Variants in KLF12 observed in about 807,000 individuals in gnomAD.
KLF12 encodes Krueppel-like factor 12.
A neutral mutation model predicts 37.8 loss-of-function variants in KLF12; 9 were observed. The ratio of observed to expected loss-of-function variants is 0.24; its 90% CI spans 0.14 to 0.42. KLF12 has a LOEUF of 0.42. KLF12 is among the 10% of genes least tolerant of loss of function. KLF12 has a pLI of 1.00. For missense variants in KLF12, 411 were observed against 516.0 expected (o/e 0.80, Z 1.97); for synonymous variants, 208 against 202.1 (o/e 1.03, Z -0.25).
chr13:74,281,031 C>T, the KLF12 span, among the ~76,000 whole-genome samples: 1 of 152,116 alleles, frequency 6.6e-6, no homozygotes, highest in Admixed American at 6.5e-5. Flanking sequence ...TTATGCTTCT[C>T]CTAGACTTAT....
intron 4 of KLF12, among the ~76,000 whole-genome samples, chr13:73,817,195 G>A (rs117354485): frequency 0.2 from 29,706 of 151,500 alleles, 3,266 homozygotes; most frequent in East Asian, 0.48. Context: ...GCATATGCCT[G>A]TAGTCCCAGC....
intron 2 of KLF12, among the ~76,000 whole-genome samples, chr13:73,949,219 A>G (rs1002023195): frequency 1.3e-5 from 2 of 152,124 alleles, no homozygotes; most frequent in African/African-American, 4.8e-5. Flanking sequence ...ACCTTTCTCT[A>G]TATCAATATG....
At chr13:73,949,110 A>C (rs756478546) in intron 2 of KLF12, among the ~76,000 whole-genome samples, 1 of 152,188 alleles carries the variant, frequency 6.6e-6, no homozygotes, top group Non-Finnish European at 1.5e-5. Flanking sequence ...AAGCCCACAC[A>C]ATTAGTAAGC....
intron 5 of KLF12, among the ~76,000 whole-genome samples, chr13:73,808,771 G>T (rs1179812710): frequency 2.6e-5 from 4 of 152,150 alleles, no homozygotes; most frequent in African/African-American, 9.7e-5. Flanking sequence ...AACAGTTATT[G>T]CATGAGGCAA....
chr13:73,810,646 G>GAC (rs71927679), intron 5 of KLF12, among the ~76,000 whole-genome samples: 34,149 of 150,802 alleles, frequency 0.23, 4,442 homozygotes, highest in Middle Eastern at 0.36. Flanking sequence ...TATTTATAAA[G>GAC]ACACACACAC....
chr13:74,081,546 T>C (rs1290204047), intron 1 of KLF12, among the ~76,000 whole-genome samples: 1 of 152,168 alleles, frequency 6.6e-6, no homozygotes, highest in African/African-American at 2.4e-5. Flanking sequence ...TCAGTAGACA[T>C]GTTATTTATC....
At chr13:74,214,346 C>T in the KLF12 span, among the ~76,000 whole-genome samples, 1 of 151,556 alleles carries the variant, frequency 6.6e-6, no homozygotes, top group African/African-American at 2.4e-5. Flanking sequence ...GCACAGTGAT[C>T]CTGAGCTTCT....
At chr13:74,214,234 A>G in the KLF12 span, among the ~76,000 whole-genome samples, 1 of 152,126 alleles carries the variant, frequency 6.6e-6, no homozygotes. Context: ...TGTTTTATCA[A>G]TTCTGCCCCT....
At chr13:73,896,507 C>T (rs1030330446) in intron 3 of KLF12, among the ~76,000 whole-genome samples, 2 of 152,066 alleles carry the variant, frequency 1.3e-5, no homozygotes, top group Non-Finnish European at 2.9e-5. Flanking sequence ...TTACAAAAAG[C>T]TGACAGTAAA....
intron 7 of KLF12, among the ~76,000 whole-genome samples, chr13:73,713,286 TAA>T (rs1301615397): frequency 6.6e-6 from 1 of 152,184 alleles, no homozygotes. Flanking sequence ...CTGGACATTG[TAA>T]GAGAGGAGAA....
intron 3 of KLF12, among the ~76,000 whole-genome samples, chr13:73,912,748 G>A (rs1888630852): frequency 6.6e-6 from 1 of 152,146 alleles, no homozygotes; most frequent in Admixed American, 6.5e-5. Context: ...CTCTTAGGAA[G>A]CTTATACATA....
At chr13:74,055,752 C>G (rs944015247) in intron 1 of KLF12, among the ~76,000 whole-genome samples, 2 of 152,138 alleles carry the variant, frequency 1.3e-5, no homozygotes, top group African/African-American at 4.8e-5. Flanking sequence ...CAACCAACAA[C>G]AATTTACCCT....
intron 4 of KLF12, among the ~76,000 whole-genome samples, chr13:73,828,361 C>G (rs1883960740): frequency 6.6e-6 from 1 of 152,206 alleles, no homozygotes; most frequent in African/African-American, 2.4e-5. Context: ...CAAGACATCT[C>G]TCTGAAAGTT....
At chr13:73,994,707 C>T (rs1255071026) in intron 2 of KLF12, among the ~76,000 whole-genome samples, 1 of 152,060 alleles carries the variant, frequency 6.6e-6, no homozygotes, top group Non-Finnish European at 1.5e-5. Context: ...AAGCAGTTTT[C>T]CATTTTTTAA....
intron 3 of KLF12, among the ~76,000 whole-genome samples, chr13:73,919,966 C>T (rs939784593): frequency 6.6e-5 from 10 of 152,160 alleles, no homozygotes; most frequent in Non-Finnish European, 1.5e-5. Context: ...GTCCGGCCAG[C>T]AGCATTAGTT....
chr13:73,739,656 G>C (rs994230917), intron 6 of KLF12, among the ~76,000 whole-genome samples: 1 of 141,134 alleles, frequency 7.1e-6, no homozygotes, highest in African/African-American at 2.5e-5. Context: ...ATTCTCTAGA[G>C]ACTCTATGCA....
chr13:73,778,137 AAAAAAAT>A (rs145503653), intron 5 of KLF12, among the ~76,000 whole-genome samples: 37,429 of 149,690 alleles, frequency 0.25, 4,612 homozygotes, highest in African/African-American at 0.31. Context: ...TCTGTCCAAA[AAAAAAAT>A]AAAAAAAGAA....
chr13:74,190,472 T>A, the KLF12 span, among the ~76,000 whole-genome samples: 4 of 152,232 alleles, frequency 2.6e-5, no homozygotes, highest in Non-Finnish European at 5.9e-5. Flanking sequence ...GGGGTGGTGA[T>A]GAACGAAGGC....
the KLF12 span, among the ~76,000 whole-genome samples, chr13:74,301,706 C>T: frequency 3.3e-5 from 5 of 152,068 alleles, no homozygotes; most frequent in Non-Finnish European, 5.9e-5. Flanking sequence ...TCACAAAACC[C>T]AGTTTAAATT....
Sources: gnomAD v4.1 joint callset for allele counts (sites outside exome capture counted in the v4.1 genomes callset) on GRCh38, gnomAD v4.1.1 for gene constraint, MANE v1.5 for transcripts, NCBI Gene and HGNC (gene_info 2026-07-23, HGNC 2026-07-21) for gene names.